Variants in THADA observed in about 807,000 individuals in gnomAD.
THADA encodes tRNA (32-2'-O)-methyltransferase regulator THADA.
THADA carries 213 observed loss-of-function variants against 219.8 expected under a neutral mutation model. That is an observed-to-expected ratio of 0.97 (90% confidence interval 0.87 to 1.09). The LOEUF is 1.09. Ranked by LOEUF, THADA falls within the 50% of genes least tolerant of loss-of-function variation. THADA has a pLI of 0.00. For missense variants in THADA, 2,956 were observed against 2,311.3 expected, an observed-to-expected ratio of 1.28 and a Z score of -5.72; for synonymous variants, 1,018 against 828.9, an observed-to-expected ratio of 1.23 and a Z score of -3.92.
At chr2:43,405,438 C>G (rs933363727) in intron 28 of THADA, among the ~76,000 whole-genome samples, 3 of 152,180 alleles carry the variant, frequency 2.0e-5, no homozygotes, top group African/African-American at 7.2e-5. Flanking sequence ...AAGCCCTTTT[C>G]CACATTCTCA....
intron 36 of THADA, among the ~76,000 whole-genome samples, chr2:43,247,845 C>T (rs1221835186): frequency 6.6e-6 from 1 of 151,012 alleles, no homozygotes; most frequent in East Asian, 1.9e-4. Flanking sequence ...GAGTTCAAGC[C>T]CAGCTTGGGC....
Position 43,583,717 on chromosome 2 carries a change from T to C in THADA, c.534-1789A>G, listed in dbSNP as rs534621116. Among the ~76,000 whole-genome samples, 12 of 152,260 alleles carry C rather than the reference T, an allele frequency of 7.9e-5. No individual in the cohort carries two copies. In the South Asian group the frequency reaches 1.2e-3, roughly 16 times the overall value. On this transcript the variant is annotated intron_variant, in intron 7 of 37. Transcript: ENST00000405975. ...GGTCTAAACATACAATGGGATATTA[T>C]TCGGCCACAAAAAGGAATGAAATTC...
chr2:43,515,338 AATATATAATATT>A lies in THADA; in HGVS notation c.3375-6570_3375-6559del. On this transcript the variant is annotated intron_variant, in intron 22 of 37. Coordinates refer to ENST00000405975, the MANE Select transcript of THADA (RefSeq NM_022065.5). ...ATATTTTATATATAATATATAATAT[AATATATAATATT>A]TTATATATAATATATAATATATAAT... is the stretch of plus-strand genomic sequence containing the variant. 1.1e-4 allele frequency among the ~76,000 whole-genome samples: 4 copies of A among 37,104 alleles called. No homozygotes were observed. The South Asian group carries it at 2.0e-3, about 19-fold the overall frequency. 24.3% of individuals were successfully genotyped at this position (37,104 alleles called of 152,430 possible). A position where few individuals can be genotyped will look rare whatever the true frequency, so the allele number is the denominator to read the frequency against.
chr2:43,393,163 G>A (rs944361066), intron 29 of THADA, among the ~76,000 whole-genome samples: 2 of 152,052 alleles, frequency 1.3e-5, no homozygotes, highest in Non-Finnish European at 2.9e-5. Flanking sequence ...AGAGGGGAGG[G>A]TACAATATAC....
intron 31 of THADA, among the ~76,000 whole-genome samples, chr2:43,304,875 T>A (rs1403278661): frequency 6.6e-6 from 1 of 152,202 alleles, no homozygotes; most frequent in Non-Finnish European, 1.5e-5. Flanking sequence ...TTTTGCCATG[T>A]TGGCCAGGCT....
intron 29 of THADA, among the ~76,000 whole-genome samples, chr2:43,374,390 T>G (rs1671141822): frequency 6.6e-6 from 1 of 152,240 alleles, no homozygotes; most frequent in Non-Finnish European, 1.5e-5. Flanking sequence ...TGTAAAATAG[T>G]ATTCACTTTC....
chr2:43,537,766 A>G (rs1040188064), intron 21 of THADA, among the ~76,000 whole-genome samples: 1 of 151,888 alleles, frequency 6.6e-6, no homozygotes, highest in African/African-American at 2.4e-5. Context: ...CAGGAATTCA[A>G]AACCAGCCTG....
At chr2:43,561,016 C>CAAAAAAAAAAAAAAAAAAA (rs3042329) in intron 15 of THADA, among the ~76,000 whole-genome samples, 1 of 92,330 alleles carries the variant, frequency 1.1e-5, no homozygotes, top group Non-Finnish European at 2.3e-5. Flanking sequence ...GACTTGGTCT[C>CAAAAAAAAAAAAAAAAAAA]AAAAAAAAAA....
In THADA at chr2:43,240,528, C is replaced by G. The variant is rs533363905; in HGVS notation, c.5297-7646G>C. Among the ~76,000 whole-genome samples, 519 of 152,326 alleles carry G rather than the reference C, an allele frequency of 3.4e-3. 8 individuals carry two copies. Among genetic ancestry groups the G allele is most frequent in the Non-Finnish European group, 5.5e-3 (374 of 68,022 alleles). On this transcript the variant is annotated intron_variant, in intron 36 of 37. Coordinates refer to ENST00000405975, the MANE Select transcript of THADA (RefSeq NM_022065.5). Reference sequence around the variant, plus strand: ...TCTCAGTCCCCTACCTCCCCTTACCCTCTACTCCGAGACTAGCCAGGGCTC... The same window carrying G: ...TCTCAGTCCCCTACCTCCCCTTACCGTCTACTCCGAGACTAGCCAGGGCTC...
chr2:43,323,477 A>G (rs1015085444), intron 30 of THADA, among the ~76,000 whole-genome samples: 1 of 152,110 alleles, frequency 6.6e-6, no homozygotes, highest in Admixed American at 6.5e-5. Flanking sequence ...GTCTATAAAA[A>G]CTTCATTGAT....
chr2:43,274,006 C>T (rs919110949), intron 36 of THADA, among the ~76,000 whole-genome samples: 2 of 152,160 alleles, frequency 1.3e-5, no homozygotes, highest in African/African-American at 4.8e-5. Flanking sequence ...CCTCTAACCT[C>T]TGAGTCTCAT....
Position 43,270,992 on chromosome 2 carries a change from C to G in THADA, c.5296+8773G>C, listed in dbSNP as rs116386428. Among the ~76,000 whole-genome samples the G allele has an allele frequency of 4.6e-3, 695 of 152,356 alleles. 2 individuals are homozygous for G. Among genetic ancestry groups the G allele is most frequent in the African/African-American group, 0.015 (644 of 41,570 alleles). ...AGGTTCTCCTTCCCCTGTCCCCCCA[C>G]TGGCCTGCTCAGAGTGGGAAAGAGC... On this transcript the variant is annotated intron_variant, in intron 36 of 37. Coordinates refer to ENST00000405975, the MANE Select transcript of THADA (RefSeq NM_022065.5).
At chr2:43,474,185 A>G (rs1685242662) in intron 26 of THADA, among the ~76,000 whole-genome samples, 1 of 152,238 alleles carries the variant, frequency 6.6e-6, no homozygotes, top group Non-Finnish European at 1.5e-5. Flanking sequence ...TGGATAGAGC[A>G]AAAGAAGGAA....
intron 21 of THADA, among the ~76,000 whole-genome samples, chr2:43,539,687 C>T (rs1695054178): frequency 6.6e-6 from 1 of 152,134 alleles, no homozygotes; most frequent in African/African-American, 2.4e-5. Context: ...ATGACTGGAC[C>T]TCATTACAAC....
chr2:43,584,508 C>T (rs1008605842), intron 7 of THADA, among the ~76,000 whole-genome samples: 11 of 152,168 alleles, frequency 7.2e-5, no homozygotes, highest in Non-Finnish European at 1.5e-4. Flanking sequence ...AAAAGGCTAC[C>T]CTGAGTGAAA....
At chr2:43,255,237 T>C (rs1670185455) in intron 36 of THADA, among the ~76,000 whole-genome samples, 1 of 152,334 alleles carries the variant, frequency 6.6e-6, no homozygotes, top group African/African-American at 2.4e-5. Flanking sequence ...GGTTATTTTA[T>C]ATACACATAT....
chr2:43,489,256 C>T (rs1194891933), intron 25 of THADA, among the ~76,000 whole-genome samples: 1 of 152,176 alleles, frequency 6.6e-6, no homozygotes, highest in Non-Finnish European at 1.5e-5. Flanking sequence ...TCATAGCTCA[C>T]TGCAGCCTTG....
At chr2:43,285,380 A>C (rs1673870023) in intron 35 of THADA, among the ~76,000 whole-genome samples, 1 of 151,986 alleles carries the variant, frequency 6.6e-6, no homozygotes, top group Admixed American at 6.6e-5. Context: ...GATGGTTTTA[A>C]AGTGTGTGGC....
intron 31 of THADA, among the ~76,000 whole-genome samples, chr2:43,311,575 A>G (rs1677517868): frequency 6.6e-6 from 1 of 152,224 alleles, no homozygotes; most frequent in South Asian, 2.1e-4. Context: ...GAATGCTCAT[A>G]GCAGCATTAT....
Sources: allele counts gnomAD v4.1 joint callset (sites outside exome capture counted in the v4.1 genomes callset), GRCh38; gene constraint gnomAD v4.1.1; transcripts MANE v1.5; gene names NCBI Gene and HGNC (gene_info 2026-07-23, HGNC 2026-07-21).